The following SYT14 variants were observed in gnomAD, a reference collection of about 807,000 sequenced individuals.
The protein encoded by SYT14 is synaptotagmin 14.
A neutral mutation model predicts 74.2 loss-of-function variants in SYT14; 32 were observed. That is an observed-to-expected ratio of 0.43 (90% CI 0.33 to 0.58). The LOEUF is 0.58. Ranked by LOEUF, SYT14 falls within the 20% of genes least tolerant of loss-of-function variation. The pLI, the probability that SYT14 is intolerant of heterozygous loss-of-function variation, is 0.05. For synonymous variants in SYT14, 298 were observed against 337.7 expected, an observed-to-expected ratio of 0.88 and a Z score of 1.29; for missense variants, 791 against 981.8, an observed-to-expected ratio of 0.81 and a Z score of 2.60.
intron 3 of SYT14, among the ~76,000 whole-genome samples, chr1:210,015,511 C>T (rs1156452763): frequency 2.6e-5 from 4 of 152,174 alleles, no homozygotes; most frequent in African/African-American, 4.8e-5. Flanking sequence ...CACTTCCTCT[C>T]CCCTATTCTT....
chr1:210,040,872 A>G (rs1481382698), intron 5 of SYT14, among the ~76,000 whole-genome samples: 1 of 152,190 alleles, frequency 6.6e-6, no homozygotes, highest in Non-Finnish European at 1.5e-5. Flanking sequence ...ATGCAAACAA[A>G]TAAATAAATA....
chr1:210,023,970 A>G (rs1193748675), intron 5 of SYT14, among the ~76,000 whole-genome samples: 2 of 152,254 alleles, frequency 1.3e-5, no homozygotes, highest in Admixed American at 1.3e-4. Flanking sequence ...ATTTATACAC[A>G]TACTATCTGT....
At chr1:209,976,094 TTTC>T (rs2079357818) in intron 2 of SYT14, among the ~76,000 whole-genome samples, 1 of 152,172 alleles carries the variant, frequency 6.6e-6, no homozygotes, top group Non-Finnish European at 1.5e-5. Context: ...TCTTCTCTCT[TTTC>T]TTCTTTATTA....
At chr1:210,061,423 A>T (rs6685704) in intron 5 of SYT14, among the ~76,000 whole-genome samples, 4,126 of 152,034 alleles carry the variant, frequency 0.027, 199 homozygotes, top group African/African-American at 0.093. Flanking sequence ...ATTTCAAGTT[A>T]TTGGTAAACA....
chr1:210,023,798 A>G (rs114950164), intron 5 of SYT14, among the ~76,000 whole-genome samples: 166 of 152,336 alleles, frequency 1.1e-3, no homozygotes, highest in African/African-American at 3.9e-3. Flanking sequence ...CTTTCATGCA[A>G]TCATGAATCC....
intron 2 of SYT14, among the ~76,000 whole-genome samples, chr1:209,962,615 G>A (rs1026079707): frequency 1.3e-5 from 2 of 152,046 alleles, no homozygotes; most frequent in Admixed American, 1.3e-4. Flanking sequence ...CTACCGCATT[G>A]ACTCATGCTT....
chr1:210,162,290 T>C (rs1162180995), exon 10 of SYT14: 3 of 441,530 alleles, frequency 6.8e-6, no homozygotes, highest in Non-Finnish European at 1.4e-5. Flanking sequence ...TTTGCAAAAT[T>C]AAGCCTTCGA....
intron 7 of SYT14, among the ~76,000 whole-genome samples, chr1:210,118,680 T>A (rs554643598): frequency 7.9e-5 from 12 of 152,276 alleles, no homozygotes; most frequent in Non-Finnish European, 1.5e-4. Flanking sequence ...TGTTTCATCA[T>A]GTTGGCCAGG....
chr1:209,975,196 C>A (rs1181157313), intron 2 of SYT14, among the ~76,000 whole-genome samples: 2 of 152,126 alleles, frequency 1.3e-5, no homozygotes, highest in Non-Finnish European at 2.9e-5. Context: ...TAATTGAATA[C>A]CCTTTATTTC....
intron 6 of SYT14, among the ~76,000 whole-genome samples, chr1:210,099,054 T>G (rs140537837): frequency 4.3e-4 from 65 of 152,310 alleles, no homozygotes; most frequent in Admixed American, 9.8e-4. Context: ...TTCAGTAGTA[T>G]TCACTGCCAC....
At chr1:209,960,636 C>T (rs1438891260) in intron 2 of SYT14, among the ~76,000 whole-genome samples, 1 of 152,104 alleles carries the variant, frequency 6.6e-6, no homozygotes, top group Non-Finnish European at 1.5e-5. Context: ...GAATGCTGCT[C>T]ATCACTAGTC....
rs564487623 is a variant in SYT14 at position 210,057,889 on chromosome 1, A to G, written c.1313-36433A>G. Among the ~76,000 whole-genome samples the G allele has an allele frequency of 3.3e-5, 5 of 152,312 alleles. No individual in the cohort carries two copies. In the South Asian group the frequency reaches 6.2e-4, roughly 19 times the overall value. ...AGATTTCTTGTGACTATTTGGGGGT[A>G]AGGAGGACCATCTCTCAGAATATAC... On this transcript the variant is annotated intron_variant, in intron 5 of 9. Coordinates refer to ENST00000637265, the Ensembl canonical transcript of SYT14.
chr1:210,054,204 CT>C (rs1231006978), intron 5 of SYT14, among the ~76,000 whole-genome samples: 8 of 152,122 alleles, frequency 5.3e-5, no homozygotes, highest in Middle Eastern at 3.2e-3. Flanking sequence ...TTGGTGGACA[CT>C]TTCAGTTTGA....
intron 5 of SYT14, among the ~76,000 whole-genome samples, chr1:210,023,801 A>C (rs1389822870): frequency 6.6e-6 from 1 of 152,218 alleles, no homozygotes; most frequent in Non-Finnish European, 1.5e-5. Context: ...TCATGCAATC[A>C]TGAATCCAAA....
chr1:209,955,789 T>A (rs1435082111), intron 2 of SYT14, among the ~76,000 whole-genome samples: 1 of 152,198 alleles, frequency 6.6e-6, no homozygotes, highest in Non-Finnish European at 1.5e-5. Flanking sequence ...ATTATCTAAA[T>A]CACTTACATT....
At chr1:210,081,352 A>G (rs1487436721) in intron 5 of SYT14, among the ~76,000 whole-genome samples, 1 of 152,232 alleles carries the variant, frequency 6.6e-6, no homozygotes, top group East Asian at 1.9e-4. Flanking sequence ...GTTCAGGCAT[A>G]CCTGAGAGAT....
intron 2 of SYT14, among the ~76,000 whole-genome samples, chr1:210,002,657 G>A (rs1022063601): frequency 2.6e-5 from 4 of 151,956 alleles, no homozygotes; most frequent in Non-Finnish European, 5.9e-5. Context: ...TAGTGATACT[G>A]CATTATGATG....
chr1:210,061,007 T>C (rs1365479081), intron 5 of SYT14, among the ~76,000 whole-genome samples: 1 of 150,374 alleles, frequency 6.7e-6, no homozygotes, highest in African/African-American at 2.5e-5. Context: ...TGAAAAGATA[T>C]GTTTTGTTTA....
intron 1 of SYT14, among the ~76,000 whole-genome samples, chr1:209,948,805 T>G (rs930445651): frequency 2.6e-5 from 4 of 152,200 alleles, no homozygotes; most frequent in African/African-American, 9.6e-5. Flanking sequence ...TGTCTCCTGT[T>G]CTGTCATTCT....
Sources: gnomAD v4.1 joint callset for allele counts (sites outside exome capture counted in the v4.1 genomes callset) on GRCh38, gnomAD v4.1.1 for gene constraint, MANE v1.5 for transcripts, NCBI Gene and HGNC (gene_info 2026-07-23, HGNC 2026-07-21) for gene names.